KAT7: variants seen among roughly 807,000 people sequenced by gnomAD.
KAT7 encodes the protein histone acetyltransferase KAT7.
KAT7 carries 10 observed loss-of-function variants against 82.1 expected under a neutral mutation model. The observed-to-expected ratio is 0.12, with a 90% confidence interval of 0.08 to 0.21. KAT7 has a LOEUF of 0.21. Ranked by LOEUF, KAT7 falls within the 10% of genes least tolerant of loss-of-function variation. KAT7 has a pLI of 1.00. For missense variants in KAT7, 378 were observed against 760.9 expected, an observed-to-expected ratio of 0.50 and a Z score of 5.92; for synonymous variants, 250 against 262.5, an observed-to-expected ratio of 0.95 and a Z score of 0.46.
chr17:49,823,558 G>A (rs2074331869), intron 12 of KAT7: 1 of 370,250 alleles, frequency 2.7e-6, no homozygotes, highest in African/African-American at 2.1e-5. Flanking sequence ...ATCCCAGTTT[G>A]AGACTTTTAA....
chr17:49,809,158 A>G lies in KAT7; in HGVS notation c.703A>G (p.Met235Val). ...QSRDKQIEER[M>V]LSHRQDDNNR... ...CCGGGATAAGCAGATAGAAGAAAGG[A>G]TGCTGTCTCACAGGCAAGATGACAA... is the stretch of plus-strand genomic sequence containing the variant. The change falls in exon 6 of 15, where the codon ATG becomes GTG. Residue 235 changes from methionine (M) to valine (V), a missense_variant. Physicochemically the swap from Met to Val is conservative, Grantham distance 21. Transcript: ENST00000259021. 1 of 1,614,180 alleles carries G rather than the reference A, an allele frequency of 6.2e-7. No individual in the cohort carries two copies. The highest frequency in any genetic ancestry group is 8.5e-7 in the Non-Finnish European group (1 of 1,180,004).
intron 7 of KAT7, among the ~76,000 whole-genome samples, chr17:49,813,829 T>A (rs1402775167): frequency 6.6e-6 from 1 of 151,916 alleles, no homozygotes; most frequent in African/African-American, 2.4e-5. Flanking sequence ...GGGGCGTTCC[T>A]GGAACTGGTC....
chr17:49,824,849 G>A (rs2074350224), intron 12 of KAT7: 1 of 151,586 alleles, frequency 6.6e-6, no homozygotes, highest in Non-Finnish European at 1.5e-5. Context: ...CCGTTTTTTG[G>A]GGGGCTAATC....
rs965205580 is a variant in KAT7 at position 49,834,880 on chromosome 17, C to T, written c.*7378C>T. 3 of 152,038 alleles carry T rather than the reference C, an allele frequency of 2.0e-5. No homozygotes were observed. Among genetic ancestry groups the T allele is most frequent in the South Asian group, 2.1e-4 (1 of 4,814 alleles). The allele number at this position is 152,038 out of a possible 1,614,324, so 9.4% of individuals were successfully genotyped here. A position where few individuals can be genotyped will look rare whatever the true frequency, so the allele number is the denominator to read the frequency against. ...TTAGTTGGGCATGGTGGTGTGCACC[C>T]GTAGTGCCAGCTACTCAGGAGGCTG... On this transcript the variant is annotated 3_prime_UTR_variant, in exon 15 of 15. Coordinates refer to ENST00000259021, the MANE Select transcript of KAT7 (RefSeq NM_007067.5).
At chr17:49,794,243 A>G (rs1285377154) in intron 2 of KAT7, among the ~76,000 whole-genome samples, 1 of 152,204 alleles carries the variant, frequency 6.6e-6, no homozygotes, top group Admixed American at 6.5e-5. Flanking sequence ...ATAAGCCCAG[A>G]GGTGGGACAG....
chr17:49,792,562 G>C (rs2073903838), intron 2 of KAT7, among the ~76,000 whole-genome samples: 1 of 152,110 alleles, frequency 6.6e-6, no homozygotes, highest in Non-Finnish European at 1.5e-5. Context: ...ATGTTGCTGA[G>C]TGGTGGCAAT....
rs954755429 is a variant in KAT7 at position 49,800,474 on chromosome 17, A to T, written c.580+1916A>T. On this transcript the variant is annotated intron_variant, in intron 4 of 14. Transcript: ENST00000259021. ...TGAGAAAAACTAAGAAAGACAATAT[A>T]TTACACTAGTAGATGATATGATGGC... is the stretch of plus-strand genomic sequence containing the variant. Among the ~76,000 whole-genome samples the T allele has an allele frequency of 4.3e-4, 65 of 152,200 alleles. 1 individual carries two copies. The highest frequency in any genetic ancestry group is 1.5e-3 in the African/African-American group (64 of 41,432).
chr17:49,793,555 A>G (rs1160944647), intron 2 of KAT7, among the ~76,000 whole-genome samples: 1 of 151,722 alleles, frequency 6.6e-6, no homozygotes, highest in Non-Finnish European at 1.5e-5. Flanking sequence ...GAGCACTTCA[A>G]CAGTGTTGCT....
At chr17:49,823,812 A>AC (rs2074335188) in intron 12 of KAT7, among the ~76,000 whole-genome samples, 2 of 152,346 alleles carry the variant, frequency 1.3e-5, no homozygotes, top group African/African-American at 4.8e-5. Context: ...GCAAAAAGTA[A>AC]GAGTCATGGA....
chr17:49,797,053 T>A, intron 3 of KAT7, 127 bp downstream of exon 3: 1 of 730,690 alleles, frequency 1.4e-6, no homozygotes, highest in Non-Finnish European at 2.2e-6. Flanking sequence ...TTTGCTTGCT[T>A]CCTTTCTTAT....
chr17:49,818,104 C>A, intron 9 of KAT7, 93 bp downstream of exon 9: 2 of 956,642 alleles, frequency 2.1e-6, no homozygotes, highest in South Asian at 1.5e-5. Flanking sequence ...TGTTCAGGCA[C>A]CTTCTCAGTG....
intron 1 of KAT7, among the ~76,000 whole-genome samples, chr17:49,791,257 T>A (rs988500410): frequency 6.6e-6 from 1 of 152,252 alleles, no homozygotes; most frequent in African/African-American, 2.4e-5. Context: ...TACTCTAAGT[T>A]AAATGAGGTC....
intron 4 of KAT7, 45 bp downstream of exon 4, chr17:49,798,603 C>T: frequency 1.3e-6 from 2 of 1,552,434 alleles, no homozygotes; most frequent in South Asian, 1.2e-5. Flanking sequence ...CTGTGGTTCT[C>T]TCTCCCAGGA....
chr17:49,798,223 A>T (rs1396064548), intron 3 of KAT7, 96 bp from the exon 4 acceptor site: 1 of 1,197,464 alleles, frequency 8.4e-7, no homozygotes, highest in Non-Finnish European at 1.2e-6. Context: ...TGGTTAAATC[A>T]TAGAAAAAGA....
chr17:49,812,263 C>T (rs1283278763), intron 7 of KAT7, among the ~76,000 whole-genome samples: 4 of 123,206 alleles, frequency 3.2e-5, no homozygotes, highest in East Asian at 2.2e-4. Flanking sequence ...TTGAGACAGT[C>T]GGCCAGGCTG....
intron 5 of KAT7, among the ~76,000 whole-genome samples, chr17:49,805,833 T>A (rs1598065726): frequency 6.6e-6 from 1 of 152,226 alleles, no homozygotes; most frequent in Non-Finnish European, 1.5e-5. Context: ...ATCTATGAAG[T>A]CATTTTGCTT....
chr17:49,819,359 T>C (rs2074274376), intron 9 of KAT7, among the ~76,000 whole-genome samples: 1 of 152,104 alleles, frequency 6.6e-6, no homozygotes, highest in African/African-American at 2.4e-5. Context: ...GGTAGAAATA[T>C]CAGTGCACAG....
At chr17:49,789,822 G>A (rs1031796874) in intron 1 of KAT7, 1 of 152,166 alleles carries the variant, frequency 6.6e-6, no homozygotes. Context: ...TGTATACAAG[G>A]TGTTGCTGGA....
In KAT7 at chr17:49,802,223, A is replaced by G. The variant is rs75511814; in HGVS notation, c.581-3140A>G. On this transcript the variant is annotated intron_variant, in intron 4 of 14. Coordinates refer to ENST00000259021, the MANE Select transcript of KAT7 (RefSeq NM_007067.5). Reference sequence around the variant, plus strand: ...TTGTAATGGGTAGCCTTGTATGTACATATTTTGGTGTCTTTCTAGCAAATC... The same window carrying G: ...TTGTAATGGGTAGCCTTGTATGTACGTATTTTGGTGTCTTTCTAGCAAATC... Among the ~76,000 whole-genome samples, 219 of 152,282 alleles carry G rather than the reference A, an allele frequency of 1.4e-3. 5 individuals carry two copies. In the East Asian group the frequency reaches 0.037, roughly 26 times the overall value.
Sources: gnomAD v4.1 joint callset for allele counts (sites outside exome capture counted in the v4.1 genomes callset) on GRCh38, gnomAD v4.1.1 for gene constraint, MANE v1.5 for transcripts, NCBI Gene and HGNC (gene_info 2026-07-23, HGNC 2026-07-21) for gene names.